Variants in DIS3L2 observed in about 807,000 individuals in gnomAD.
DIS3L2 encodes DIS3-like exonuclease 2.
In DIS3L2, 34 loss-of-function variants were observed where a neutral mutation model predicts 97.5. The observed-to-expected ratio is 0.35, with a 90% confidence interval of 0.27 to 0.46. The LOEUF is 0.46. DIS3L2 is among the 20% of genes least tolerant of loss of function. DIS3L2 has a pLI of 1.00. For missense variants in DIS3L2, 1,038 were observed against 1,146.0 expected, an observed-to-expected ratio of 0.91 and a Z score of 1.36; for synonymous variants, 435 against 445.2, an observed-to-expected ratio of 0.98 and a Z score of 0.29.
chr2:232,270,738 G>C (rs1693964512), intron 13 of DIS3L2, among the ~76,000 whole-genome samples: 1 of 152,256 alleles, frequency 6.6e-6, no homozygotes, highest in Non-Finnish European at 1.5e-5. Context: ...CCCTTCCAGA[G>C]AGGTTGTACC....
intron 10 of DIS3L2, among the ~76,000 whole-genome samples, chr2:232,210,653 G>A (rs1028284729): frequency 6.6e-6 from 1 of 152,242 alleles, no homozygotes; most frequent in Non-Finnish European, 1.5e-5. Flanking sequence ...TTCAGAAGGG[G>A]CAACAGTGAG....
chr2:232,205,677 G>T (rs984541386), intron 9 of DIS3L2, among the ~76,000 whole-genome samples: 1 of 152,112 alleles, frequency 6.6e-6, no homozygotes, highest in Non-Finnish European at 1.5e-5. Context: ...CAGGATAAGG[G>T]TTAGTTCACA....
chr2:232,165,876 G>C (rs1158087950), intron 9 of DIS3L2, among the ~76,000 whole-genome samples: 1 of 152,002 alleles, frequency 6.6e-6, no homozygotes, highest in Non-Finnish European at 1.5e-5. Context: ...TTATAAATGT[G>C]AAAGTCACAA....
chr2:232,125,422 A>G (rs1003729506), intron 6 of DIS3L2, among the ~76,000 whole-genome samples: 7 of 152,114 alleles, frequency 4.6e-5, no homozygotes, highest in Admixed American at 2.6e-4. Context: ...GGCTCTTTTC[A>G]TAGTGCCCAG....
chr2:232,034,335 C>T (rs191130302), intron 5 of DIS3L2, among the ~76,000 whole-genome samples: 2 of 152,082 alleles, frequency 1.3e-5, no homozygotes, highest in Non-Finnish European at 2.9e-5. Flanking sequence ...TTTTCTAATG[C>T]GTCTATTTGA....
chr2:232,275,431 A>G (rs1239931853), intron 13 of DIS3L2, among the ~76,000 whole-genome samples: 1 of 152,194 alleles, frequency 6.6e-6, no homozygotes, highest in Non-Finnish European at 1.5e-5. Context: ...AGCTGTTCAC[A>G]GTGATCTGAT....
At chr2:231,971,423 T>G (rs1692904852) in intron 1 of DIS3L2, among the ~76,000 whole-genome samples, 1 of 151,310 alleles carries the variant, frequency 6.6e-6, no homozygotes. Flanking sequence ...GGACTACAGG[T>G]GTGTGCCACC....
At chr2:232,272,857 G>C (rs952661153) in intron 13 of DIS3L2, among the ~76,000 whole-genome samples, 1 of 152,122 alleles carries the variant, frequency 6.6e-6, no homozygotes, top group Non-Finnish European at 1.5e-5. Flanking sequence ...AGTGGCTAAT[G>C]CTTCTGCTCT....
intron 1 of DIS3L2, among the ~76,000 whole-genome samples, chr2:232,011,592 G>A (rs147086529): frequency 6.6e-6 from 1 of 152,034 alleles, no homozygotes; most frequent in Admixed American, 6.5e-5. Context: ...AACACAGGTG[G>A]TCTGCCCGCC....
chr2:232,238,000 C>CT (rs1374571150), intron 10 of DIS3L2, among the ~76,000 whole-genome samples: 2 of 152,054 alleles, frequency 1.3e-5, no homozygotes, highest in Non-Finnish European at 2.9e-5. Context: ...GAATAACAGG[C>CT]TAAGAGTACC....
intron 11 of DIS3L2, among the ~76,000 whole-genome samples, chr2:232,245,179 T>G (rs555930088): frequency 7.2e-5 from 11 of 152,308 alleles, no homozygotes; most frequent in African/African-American, 2.4e-4. Context: ...TGGAGAGACC[T>G]TTCTTTTCCA....
At chr2:232,319,937 A>G (rs1203987831) in intron 14 of DIS3L2, among the ~76,000 whole-genome samples, 1 of 152,210 alleles carries the variant, frequency 6.6e-6, no homozygotes, top group Admixed American at 6.5e-5. Context: ...CTTGGTTCTC[A>G]GGTAGAATGA....
chr2:232,169,235 T>C (rs1420625944), intron 9 of DIS3L2, among the ~76,000 whole-genome samples: 2 of 152,216 alleles, frequency 1.3e-5, no homozygotes, highest in East Asian at 3.8e-4. Flanking sequence ...ATGTGCTATA[T>C]TGAATAAATT....
At chr2:232,123,627 A>G (rs985266823) in intron 6 of DIS3L2, among the ~76,000 whole-genome samples, 1 of 152,148 alleles carries the variant, frequency 6.6e-6, no homozygotes, top group Non-Finnish European at 1.5e-5. Flanking sequence ...ATTCACCAGG[A>G]GGAAACTACT....
intron 1 of DIS3L2, among the ~76,000 whole-genome samples, chr2:231,965,641 G>A (rs1198611672): frequency 6.6e-6 from 1 of 152,080 alleles, no homozygotes; most frequent in African/African-American, 2.4e-5. Flanking sequence ...TTGGTACCAG[G>A]CACTATGCTT....
chr2:232,253,597 AGATT>A, intron 12 of DIS3L2, among the ~76,000 whole-genome samples: 1 of 152,250 alleles, frequency 6.6e-6, no homozygotes, highest in Middle Eastern at 3.4e-3. Flanking sequence ...TCATAATAGT[AGATT>A]GATAAAATGA....
Position 232,208,459 on chromosome 2 carries a change from T to C in DIS3L2, c.1125-1867T>C, listed in dbSNP as rs570091334. ...CTGAGTAGCTGGGACTACAGGCGTG[T>C]GCCACCATGCCCGGCTAATTTTTGT... On this transcript the variant is annotated intron_variant, in intron 9 of 20. Transcript: ENST00000325385. Among the ~76,000 whole-genome samples the C allele has an allele frequency of 2.9e-3, 435 of 152,272 alleles. 1 individual carries two copies. The highest frequency in any genetic ancestry group is 4.8e-3 in the Non-Finnish European group (324 of 68,012).
At chr2:231,997,963 G>C (rs1021810670) in intron 1 of DIS3L2, among the ~76,000 whole-genome samples, 4 of 152,064 alleles carry the variant, frequency 2.6e-5, no homozygotes, top group African/African-American at 9.7e-5. Context: ...GAAAATTCTG[G>C]ATCATGAGTG....
intron 8 of DIS3L2, among the ~76,000 whole-genome samples, chr2:232,139,486 A>G (rs1698451660): frequency 6.6e-6 from 1 of 152,066 alleles, no homozygotes; most frequent in African/African-American, 2.4e-5. Flanking sequence ...CAGTAGTTTC[A>G]AGCAGAGGTG....
Sources: gnomAD v4.1 joint callset for allele counts (sites outside exome capture counted in the v4.1 genomes callset) on GRCh38, gnomAD v4.1.1 for gene constraint, MANE v1.5 for transcripts, NCBI Gene and HGNC (gene_info 2026-07-23, HGNC 2026-07-21) for gene names.